Variants in ASTN2 observed in about 807,000 individuals in gnomAD.
ASTN2 encodes the protein astrotactin-2.
Under a neutral mutation model 139.8 loss-of-function variants are expected in ASTN2, and 54 were observed. The ratio of observed to expected loss-of-function variants is 0.39; its 90% CI spans 0.31 to 0.48. The LOEUF (loss-of-function observed/expected upper bound fraction) is 0.48. Among genes scored for constraint, ASTN2 ranks in the 20% least tolerant of loss-of-function variants. The probability of loss-of-function intolerance (pLI) is 0.95; values close to 1 mark genes in which losing one functional copy is unlikely to be tolerated. For missense variants in ASTN2, 1,565 were observed against 1,725.1 expected (o/e 0.91, Z 1.64); for synonymous variants, 756 against 719.5 (o/e 1.05, Z -0.81).
At chr9:116,914,251 C>T (rs1332356212) in intron 10 of ASTN2, among the ~76,000 whole-genome samples, 1 of 151,902 alleles carries the variant, frequency 6.6e-6, no homozygotes, top group Non-Finnish European at 1.5e-5. Flanking sequence ...CAGGCTGTTA[C>T]TGACTAGCTA....
chr9:116,911,580 T>C lies in ASTN2; in HGVS notation c.1890-47847A>G, dbSNP rs562225443. On this transcript the variant is annotated intron_variant, in intron 10 of 22. Transcript: ENST00000313400. ...GCTGGTTTCTTAGTTTTTACAACTGTATCATGGTAAAGTAAGTTGTTAACA... is the reference window on the plus strand; with the variant it reads ...GCTGGTTTCTTAGTTTTTACAACTGCATCATGGTAAAGTAAGTTGTTAACA... 6.6e-5 allele frequency among the ~76,000 whole-genome samples: 10 copies of C among 152,332 alleles called. No individual in the cohort carries two copies. In the South Asian group the frequency reaches 2.1e-3, roughly 32 times the overall value.
At chr9:116,442,654 A>C in intron 20 of ASTN2, 101 bp from the exon 21 acceptor site, 1 of 916,504 alleles carries the variant, frequency 1.1e-6, no homozygotes, top group Non-Finnish European at 1.8e-6. Flanking sequence ...AGGCTACAGG[A>C]AAAATGATTT....
At chr9:116,820,575 T>A in intron 12 of ASTN2, 42 bp downstream of exon 12, 1 of 1,595,674 alleles carries the variant, frequency 6.3e-7, no homozygotes. Flanking sequence ...CATCCCTCAC[T>A]TCTGTAAATG....
In ASTN2 at chr9:116,978,025, T is replaced by A. The variant is rs72755700; in HGVS notation, c.1592-1240A>T. 8.6e-3 allele frequency among the ~76,000 whole-genome samples: 1,316 copies of A among 152,188 alleles called. 9 individuals are homozygous for A. The highest frequency in any genetic ancestry group is 0.015 in the Non-Finnish European group (1,008 of 67,992). ...AGCCACCACGCCTGGCCTAGAAATA[T>A]TTTTTGATTTAATGAGTTACTGCTT... On this transcript the variant is annotated intron_variant, in intron 7 of 22. Coordinates refer to ENST00000313400, the MANE Select transcript of ASTN2 (RefSeq NM_001365068.1).
intron 10 of ASTN2, among the ~76,000 whole-genome samples, chr9:116,945,261 A>T (rs1361005707): frequency 1.3e-5 from 2 of 152,150 alleles, no homozygotes; most frequent in Non-Finnish European, 2.9e-5. Context: ...AATCACTGGG[A>T]AGGAAAATCC....
chr9:116,920,674 T>C (rs1191704760), intron 10 of ASTN2, among the ~76,000 whole-genome samples: 2 of 152,228 alleles, frequency 1.3e-5, no homozygotes, highest in Admixed American at 1.3e-4. Flanking sequence ...TTGTTTACAG[T>C]TGCATCCCAT....
chr9:116,788,398 G>GTC (rs1830436622), intron 13 of ASTN2, among the ~76,000 whole-genome samples: 22 of 152,142 alleles, frequency 1.4e-4, no homozygotes, highest in Non-Finnish European at 2.5e-4. Flanking sequence ...ATTCCACAGT[G>GTC]AGCACATATG....
At chr9:116,540,953 GT>G (rs1851852463) in intron 19 of ASTN2, among the ~76,000 whole-genome samples, 1 of 151,202 alleles carries the variant, frequency 6.6e-6, no homozygotes, top group South Asian at 2.1e-4. Context: ...TTTTACAAAA[GT>G]TTTTCCCCTA....
chr9:117,296,903 G>A (rs920309390), intron 1 of ASTN2, among the ~76,000 whole-genome samples: 3 of 152,190 alleles, frequency 2.0e-5, no homozygotes, highest in African/African-American at 4.8e-5. Context: ...AGCTGAGAGA[G>A]AGGATCAGCC....
At chr9:116,794,779 G>C (rs1830648559) in intron 13 of ASTN2, among the ~76,000 whole-genome samples, 1 of 152,128 alleles carries the variant, frequency 6.6e-6, no homozygotes, top group South Asian at 2.1e-4. Context: ...ATGCTTTAAG[G>C]GTATTGGGAA....
At chr9:116,710,232 G>T (rs746427411) in intron 16 of ASTN2, among the ~76,000 whole-genome samples, 13 of 152,004 alleles carry the variant, frequency 8.6e-5, no homozygotes, top group Non-Finnish European at 1.6e-4. Context: ...AACCATGTTT[G>T]GACCTGTTTG....
intron 6 of ASTN2, among the ~76,000 whole-genome samples, chr9:117,031,392 T>C (rs1167792695): frequency 6.6e-6 from 1 of 152,166 alleles, no homozygotes; most frequent in Non-Finnish European, 1.5e-5. Flanking sequence ...CTGTGGTCCT[T>C]GCCCTTGAAA....
chr9:117,142,591 G>C (rs552010588), intron 3 of ASTN2, among the ~76,000 whole-genome samples: 126 of 152,240 alleles, frequency 8.3e-4, no homozygotes, highest in African/African-American at 2.8e-3. Flanking sequence ...TGAATTGTTA[G>C]TAGCCACATT....
At chr9:116,763,059 A>G (rs1481409224) in intron 13 of ASTN2, among the ~76,000 whole-genome samples, 1 of 152,190 alleles carries the variant, frequency 6.6e-6, no homozygotes, top group African/African-American at 2.4e-5. Context: ...TTTTTACTGC[A>G]CCATGATGCT....
chr9:117,399,860 G>C (rs1327674878), intron 1 of ASTN2, among the ~76,000 whole-genome samples: 1 of 152,184 alleles, frequency 6.6e-6, no homozygotes, highest in Non-Finnish European at 1.5e-5. Context: ...TGATTGATGA[G>C]GCATTGCATT....
At chr9:116,681,029 T>G (rs1484764900) in intron 16 of ASTN2, among the ~76,000 whole-genome samples, 5 of 152,130 alleles carry the variant, frequency 3.3e-5, no homozygotes, top group Admixed American at 2.0e-4. Context: ...GCCAGGGCAA[T>G]TAGGCAGGAG....
chr9:116,831,451 CA>C (rs1260623900), intron 11 of ASTN2, among the ~76,000 whole-genome samples: 1 of 152,030 alleles, frequency 6.6e-6, no homozygotes, highest in Non-Finnish European at 1.5e-5. Context: ...AAATATTCAC[CA>C]AACACCTACC....
chr9:117,264,820 A>C (rs768470078), intron 2 of ASTN2, among the ~76,000 whole-genome samples: 34 of 152,202 alleles, frequency 2.2e-4, no homozygotes, highest in Non-Finnish European at 4.4e-4. Flanking sequence ...GGGAAGTAAA[A>C]ACGTTCCCTT....
chr9:117,134,780 G>T (rs1408837937), intron 4 of ASTN2, among the ~76,000 whole-genome samples: 2 of 152,058 alleles, frequency 1.3e-5, no homozygotes. Context: ...GATACGTAAT[G>T]CCCTGCTTCC....
Sources: allele counts gnomAD v4.1 joint callset (sites outside exome capture counted in the v4.1 genomes callset), GRCh38; gene constraint gnomAD v4.1.1; transcripts MANE v1.5; gene names NCBI Gene and HGNC (gene_info 2026-07-23, HGNC 2026-07-21).